The following PPFIA3 variants were observed in gnomAD, a reference collection of about 807,000 sequenced individuals.
PPFIA3 encodes PPFI scaffold protein A3, also known as liprin-alpha-3.
PPFIA3 carries 26 observed loss-of-function variants against 145.8 expected under a neutral mutation model. The observed-to-expected ratio is 0.18, with a 90% CI of 0.13 to 0.25. The LOEUF (loss-of-function observed/expected upper bound fraction) is 0.25. Among genes scored for constraint, PPFIA3 ranks in the 10% least tolerant of loss-of-function variants. PPFIA3 has a pLI of 1.00. For missense variants in PPFIA3, 1,008 were observed against 1,587.8 expected (o/e 0.63, Z 6.21); for synonymous variants, 645 against 661.4 (o/e 0.98, Z 0.38).
At chr19:49,134,297 A>G in intron 11 of PPFIA3, 132 bp downstream of exon 11, 1 of 1,265,100 alleles carries the variant, frequency 7.9e-7, no homozygotes, top group East Asian at 2.4e-5. Flanking sequence ...TGAGTTGGGC[A>G]GCCTTCTCTG....
At chr19:49,146,386 A>T in intron 23 of PPFIA3, 194 bp downstream of exon 23, 2 of 669,720 alleles carry the variant, frequency 3.0e-6, no homozygotes, top group South Asian at 3.8e-5. Context: ...GCGATGTGGA[A>T]GCCCAGACTG....
chr19:49,149,433 GGA>G lies in PPFIA3; in HGVS notation c.3355-110_3355-109del. On this transcript the variant is annotated intron_variant, in intron 27 of 29. Coordinates refer to ENST00000334186, the MANE Select transcript of PPFIA3 (RefSeq NM_003660.4). This position sits in a 1 kb window ranked among gnomAD's most constrained non-coding sequence, Gnocchi z 5.7. ...ATGGTCACGGTTGGAGGCGGGGCCAGGAGAGGGGCGGGGTTAAAGGAGAGGTG... is the reference window on the plus strand; with the variant it reads ...ATGGTCACGGTTGGAGGCGGGGCCAGGAGGGGCGGGGTTAAAGGAGAGGTG... 3 of 1,584,096 alleles carry G rather than the reference GGA, an allele frequency of 1.9e-6. No individual in the cohort carries two copies. Among genetic ancestry groups the G allele is most frequent in the Non-Finnish European group, 2.6e-6 (3 of 1,154,976 alleles).
At position 49,133,725 on chromosome 19, in the gene PPFIA3, G is replaced by T; in HGVS notation, c.1162-71G>T. On this transcript the variant is annotated intron_variant, in intron 9 of 29. Transcript: ENST00000334186. This position sits in a 1 kb window ranked among gnomAD's most constrained non-coding sequence, Gnocchi z 7.2. Reference sequence around the variant, plus strand: ...GGGGCGGAGCCTGGCGCTCAGCCTTGGAGGAGGTGGGGCTGGGAGCCTGAC... The same window carrying T: ...GGGGCGGAGCCTGGCGCTCAGCCTTTGAGGAGGTGGGGCTGGGAGCCTGAC... 6.7e-7 allele frequency: 1 copy of T among 1,492,682 alleles called. No homozygotes were observed. Among genetic ancestry groups the T allele is most frequent in the Non-Finnish European group, 9.3e-7 (1 of 1,080,328 alleles). 92.5% of individuals were successfully genotyped at this position (1,492,682 alleles called of 1,614,324 possible).
chr19:49,129,330 C>G (rs1414661663), intron 4 of PPFIA3, 50 bp from the exon 5 acceptor site: 1 of 1,539,150 alleles, frequency 6.5e-7, no homozygotes, highest in Non-Finnish European at 8.8e-7. Context: ...GGCAACTGTC[C>G]TAAACTGGAT....
rs2041106698 is a variant in PPFIA3 at position 49,133,981 on chromosome 19, C to T, written c.1246-53C>T. 2 of 1,604,284 alleles carry T rather than the reference C, an allele frequency of 1.2e-6. No homozygotes were observed. Among genetic ancestry groups the T allele is most frequent in the Non-Finnish European group, 1.7e-6 (2 of 1,174,986 alleles). On this transcript the variant is annotated intron_variant, in intron 10 of 29. Transcript: ENST00000334186. This position sits in a 1 kb window ranked among gnomAD's most constrained non-coding sequence, Gnocchi z 7.2. ...CCGGGGGTGGGGCTTAGAGGAAGGG[C>T]CGTGGTCTGGGCAGGGTGGGCTTAA...
intron 20 of PPFIA3, among the ~76,000 whole-genome samples, chr19:49,142,441 A>G (rs1027608706): frequency 1.3e-5 from 2 of 150,940 alleles, no homozygotes; most frequent in African/African-American, 4.9e-5. Context: ...GTCATTCCCC[A>G]TATTTCTCCT....
chr19:49,144,700 A>G (rs2076181888), intron 21 of PPFIA3, among the ~76,000 whole-genome samples: 1 of 151,836 alleles, frequency 6.6e-6, no homozygotes, highest in African/African-American at 2.4e-5. Flanking sequence ...GGTGACAGAG[A>G]AAGAGTGCAT....
rs1272074715 is a variant in PPFIA3 at position 49,120,719 on chromosome 19, T to C, written c.-16+997T>C. Among the ~76,000 whole-genome samples the C allele has an allele frequency of 6.6e-6, 1 of 152,198 alleles. No individual in the cohort carries two copies. Among genetic ancestry groups the C allele is most frequent in the Non-Finnish European group, 1.5e-5 (1 of 68,040 alleles). ...CGGAATGTGATTCTCAATGCAGTTC[T>C]CTGACTTCTGTTCACACTCCCACTT... is the stretch of plus-strand genomic sequence containing the variant. On this transcript the variant is annotated intron_variant, in intron 1 of 29. Transcript: ENST00000334186. The surrounding 1 kb of genome is among the most constrained non-coding windows in gnomAD (Gnocchi z 4.6).
At chr19:49,140,352 G>T (rs577430303) in intron 18 of PPFIA3, among the ~76,000 whole-genome samples, 11 of 151,904 alleles carry the variant, frequency 7.2e-5, no homozygotes, top group Non-Finnish European at 1.6e-4. Context: ...TTTGGTTTTT[G>T]TTGTTGTTGT....
chr19:49,149,486 G>A lies in PPFIA3; in HGVS notation c.3355-61G>A, dbSNP rs1190606136. 1.2e-6 allele frequency: 2 copies of A among 1,605,564 alleles called. No individual in the cohort carries two copies. The highest frequency in any genetic ancestry group is 8.5e-7 in the Non-Finnish European group (1 of 1,173,720). The stretch of plus-strand genomic sequence containing the variant: ...AGACCCGGAGAGGGGTGGAGTCAAA[G>A]GAAGGGGCGGAGTCAGACAAGGCAG... On this transcript the variant is annotated intron_variant, in intron 27 of 29. Transcript: ENST00000334186. The surrounding 1 kb of genome is among the most constrained non-coding windows in gnomAD (Gnocchi z 5.7).
chr19:49,141,933 G>T, intron 19 of PPFIA3, 101 bp from the exon 20 acceptor site: 2 of 767,128 alleles, frequency 2.6e-6, no homozygotes. Flanking sequence ...GTGTGCGTAT[G>T]TGCATGTGTG....
Position 49,130,491 on chromosome 19 carries a change from G to C in PPFIA3, c.771G>C (p.Ala257=). ...TGTGCCAGCTGCGGGAGCGCCTGGCGGTGCTGTGCCGTCAGATGAGCCAGC... is the reference window on the plus strand; with the variant it reads ...TGTGCCAGCTGCGGGAGCGCCTGGCCGTGCTGTGCCGTCAGATGAGCCAGC... The part of the protein sequence containing the change: ...AEVCQLRERL[A]VLCRQMSQLE... Residue 257 remains alanine, a synonymous_variant, in exon 7 of 30, where the codon GCG becomes GCC. Transcript: ENST00000334186. This position sits in a 1 kb window ranked among gnomAD's most constrained non-coding sequence, Gnocchi z 4.5. 6.2e-7 allele frequency: 1 copy of C among 1,601,308 alleles called. No homozygotes were observed. The highest frequency in any genetic ancestry group is 8.5e-7 in the Non-Finnish European group (1 of 1,174,856).
Position 49,128,478 on chromosome 19 carries a change from G to A in PPFIA3, c.342+10G>A. On this transcript the variant is annotated intron_variant, in intron 3 of 29. Transcript: ENST00000334186. The surrounding 1 kb of genome is among the most constrained non-coding windows in gnomAD (Gnocchi z 4.1). ...ACGGAACAACACGCGGGTGAGGGGT[G>A]TTGAGGGCGGGGCCTAAGTGGGGGC... 2.0e-6 allele frequency: 3 copies of A among 1,525,796 alleles called. No homozygotes were observed. The highest frequency in any genetic ancestry group is 1.4e-5 in the African/African-American group (1 of 71,410). 94.5% of individuals were successfully genotyped at this position (1,525,796 alleles called of 1,614,324 possible). A position where few individuals can be genotyped will look rare whatever the true frequency, so the allele number is the denominator to read the frequency against.
In PPFIA3 at chr19:49,130,639, C is replaced by A. The variant is rs1360344282; in HGVS notation, c.879+40C>A. 1 of 1,517,376 alleles carries A rather than the reference C, an allele frequency of 6.6e-7. No individual in the cohort carries two copies. Among genetic ancestry groups the A allele is most frequent in the East Asian group, 2.5e-5 (1 of 40,574 alleles). The allele number at this position is 1,517,376 out of a possible 1,614,324, so 94.0% of individuals were successfully genotyped here. ...GAGGCGGGCTGCCCTGGGTCCCTCG[C>A]CTTTCCGTAGAGCTCTCCCTCGCGC... On this transcript the variant is annotated intron_variant, in intron 7 of 29. Transcript: ENST00000334186. This position sits in a 1 kb window ranked among gnomAD's most constrained non-coding sequence, Gnocchi z 4.5.
chr19:49,128,732 T>A lies in PPFIA3; in HGVS notation c.343-116T>A. ...CTCTTTTCCTGACCTGTCTCGGTGC[T>A]CCTTTATATGGCTCCATCTTTTCCT... On this transcript the variant is annotated intron_variant, in intron 3 of 29. Transcript: ENST00000334186. This position sits in a 1 kb window ranked among gnomAD's most constrained non-coding sequence, Gnocchi z 4.1. The A allele has an allele frequency of 9.3e-7, 1 of 1,070,308 alleles. No individual in the cohort carries two copies. Among genetic ancestry groups the A allele is most frequent in the Non-Finnish European group, 1.3e-6 (1 of 743,490 alleles). The allele number at this position is 1,070,308 out of a possible 1,614,324, so 66.3% of individuals were successfully genotyped here.
intron 20 of PPFIA3, 95 bp from the exon 21 acceptor site, chr19:49,142,709 C>A: frequency 1.9e-6 from 2 of 1,045,452 alleles, no homozygotes; most frequent in East Asian, 2.7e-5. Flanking sequence ...GCTCCCCACC[C>A]CCTTGCCTTT....
At chr19:49,131,042 T>G (rs1469418034) in intron 7 of PPFIA3, among the ~76,000 whole-genome samples, 11 of 150,324 alleles carry the variant, frequency 7.3e-5, no homozygotes, top group Admixed American at 2.7e-4. Flanking sequence ...TTTTTTTTTT[T>G]TTTGTATTTT....
chr19:49,150,390 A>T lies in PPFIA3; in HGVS notation c.*168A>T, dbSNP rs575291900. 3.1e-4 allele frequency: 142 copies of T among 453,754 alleles called. No homozygotes were observed. Among genetic ancestry groups the T allele is most frequent in the African/African-American group, 2.4e-3 (117 of 49,742 alleles). 28.1% of individuals were successfully genotyped at this position (453,754 alleles called of 1,614,324 possible). A position where few individuals can be genotyped will look rare whatever the true frequency, so the allele number is the denominator to read the frequency against. ...GGGAGTGCGCGCGCCCGCCTCGCAC[A>T]GGGCCGGGGCCTGGACCAAACCACA... is the stretch of plus-strand genomic sequence containing the variant. On this transcript the variant is annotated 3_prime_UTR_variant, in exon 30 of 30. Coordinates refer to ENST00000334186, the MANE Select transcript of PPFIA3 (RefSeq NM_003660.4).
Position 49,134,105 on chromosome 19 carries a change from C to G in PPFIA3, c.1317C>G (p.Ser439Arg). The G allele has an allele frequency of 1.9e-6, 3 of 1,613,858 alleles. No homozygotes were observed. The highest frequency in any genetic ancestry group is 8.5e-7 in the Non-Finnish European group (1 of 1,179,908). The part of the protein sequence containing the change: ...RLSETVDKLL[S>R]ESNERLQLHL... ...CCGAGACGGTGGACAAGCTGCTGAG[C>G]GAGTCCAACGAGCGCTTACAGCTTC... Residue 439 changes from serine to arginine, a missense_variant, in exon 11 of 30, where the codon AGC (serine) becomes AGG (arginine). Around this residue, in one of 11 missense-constraint regions of PPFIA3, gnomAD observed 109 missense variants for 198.1 expected, o/e 0.55. Coordinates refer to ENST00000334186, the MANE Select transcript of PPFIA3 (RefSeq NM_003660.4).
Sources: allele counts gnomAD v4.1 joint callset (sites outside exome capture counted in the v4.1 genomes callset), GRCh38; gene constraint gnomAD v4.1.1; regional missense constraint gnomAD v4.1.1; non-coding constraint Gnocchi (gnomAD v3.1); transcripts MANE v1.5; gene names NCBI Gene and HGNC (gene_info 2026-07-23, HGNC 2026-07-21).